Variants in LRP1B observed in about 807,000 individuals in gnomAD.
The protein encoded by LRP1B is LDL receptor related protein 1B.
In LRP1B, 217 loss-of-function variants were observed where a neutral mutation model predicts 556.6. That is an observed-to-expected ratio of 0.39 (90% CI 0.35 to 0.44). The LOEUF is 0.44. Ranked by LOEUF, LRP1B falls within the 20% of genes least tolerant of loss-of-function variation. The pLI, the probability that LRP1B is intolerant of heterozygous loss-of-function variation, is 1.00. For missense variants in LRP1B, 5,053 were observed against 5,620.8 expected (o/e 0.90, Z 3.23); for synonymous variants, 2,047 against 1,865.8 (o/e 1.10, Z -2.50).
rs1386575800 is a variant in LRP1B, at chr2:141,502,868, A to AT, written c.206-22336_206-22335insA. Among the ~76,000 whole-genome samples the AT allele has an allele frequency of 8.5e-5, 10 of 118,230 alleles. No homozygotes were observed. The East Asian group carries it at 2.1e-3, about 24-fold the overall frequency. 77.6% of individuals were successfully genotyped at this position (118,230 alleles called of 152,430 possible). A position where few individuals can be genotyped will look rare whatever the true frequency, so the allele number is the denominator to read the frequency against. On this transcript the variant is annotated intron_variant, in intron 2 of 90. Coordinates refer to ENST00000389484, the MANE Select transcript of LRP1B (RefSeq NM_018557.3). ...GGGAGACCCCGTCTCAAAAAATAAAAAATAAATAAAAATAAAAATTAAAAA... is the reference window on the plus strand; with the variant it reads ...GGGAGACCCCGTCTCAAAAAATAAAATAATAAATAAAAATAAAAATTAAAAA...
intron 89 of LRP1B, 62 bp downstream of exon 89, chr2:140,238,090 T>TA (rs1235683674): frequency 1.1e-4 from 153 of 1,448,896 alleles, no homozygotes; most frequent in Non-Finnish European, 1.4e-4. Flanking sequence ...TTCAGAACCA[T>TA]AAAACAGAGA....
At chr2:141,544,325 C>CTT (rs1553533146) in intron 2 of LRP1B, among the ~76,000 whole-genome samples, 41 of 55,634 alleles carry the variant, frequency 7.4e-4, no homozygotes, top group South Asian at 3.8e-3. Context: ...TCTTCTTCTT[C>CTT]TTCTTCTTCT....
chr2:141,866,908 A>G (rs1313260564), intron 1 of LRP1B, among the ~76,000 whole-genome samples: 7 of 151,904 alleles, frequency 4.6e-5, no homozygotes, highest in Non-Finnish European at 7.4e-5. Flanking sequence ...AATAAGGGGG[A>G]AAAAAAGGAA....
chr2:140,703,676 A>T (rs115804127), intron 37 of LRP1B, among the ~76,000 whole-genome samples: 2,544 of 152,218 alleles, frequency 0.017, 93 homozygotes, highest in Admixed American at 0.072. Context: ...AGTTCCCCCA[A>T]TCCCCAAGTA....
intron 82 of LRP1B, among the ~76,000 whole-genome samples, chr2:140,320,577 T>A (rs1318678624): frequency 6.6e-6 from 1 of 151,300 alleles, no homozygotes; most frequent in Non-Finnish European, 1.5e-5. Context: ...CCAGTGATTT[T>A]GGAGCGCTAC....
At chr2:141,290,098 C>T (rs1685882954) in intron 3 of LRP1B, among the ~76,000 whole-genome samples, 1 of 152,122 alleles carries the variant, frequency 6.6e-6, no homozygotes, top group Admixed American at 6.6e-5. Flanking sequence ...AGTCTTTGCT[C>T]ATGAACATTC....
At chr2:140,241,896 A>G (rs1464671882) in intron 87 of LRP1B, among the ~76,000 whole-genome samples, 1 of 151,002 alleles carries the variant, frequency 6.6e-6, no homozygotes, top group East Asian at 2.0e-4. Context: ...ATAGAGTATT[A>G]GAAACTGAAA....
At position 140,690,489 on chromosome 2, in the gene LRP1B, A is replaced by G. The variant is rs183882361; in HGVS notation, c.6799+9761T>C. ...AACCTTTCTTTTGTCAGTTTAATTCACAGATCTCAGCCACAGAAGCTAAGA... is the reference window on the plus strand; with the variant it reads ...AACCTTTCTTTTGTCAGTTTAATTCGCAGATCTCAGCCACAGAAGCTAAGA... On this transcript the variant is annotated intron_variant, in intron 41 of 90. Transcript: ENST00000389484. Among the ~76,000 whole-genome samples the G allele has an allele frequency of 8.0e-4, 122 of 152,236 alleles. 1 individual carries two copies. The highest frequency in any genetic ancestry group is 1.2e-3 in the Non-Finnish European group (81 of 68,016).
Position 140,231,707 on chromosome 2 carries a change from GTCT to G in LRP1B, c.*1476_*1478del, listed in dbSNP as rs1384158734. 2.6e-5 allele frequency: 4 copies of G among 151,634 alleles called. No individual in the cohort carries two copies. Among genetic ancestry groups the G allele is most frequent in the African/African-American group, 4.8e-5 (2 of 41,314 alleles). The allele number at this position is 151,634 out of a possible 1,614,324, so 9.4% of individuals were successfully genotyped here. The stretch of plus-strand genomic sequence containing the variant: ...ATGCATGCACATAGTACAACAAAAA[GTCT>G]TCTTATAAAACAGCAGTTTTTTTAA... On this transcript the variant is annotated 3_prime_UTR_variant, in exon 91 of 91. Transcript: ENST00000389484.
At chr2:140,971,526 T>C (rs1434558902) in intron 18 of LRP1B, among the ~76,000 whole-genome samples, 1 of 152,168 alleles carries the variant, frequency 6.6e-6, no homozygotes, top group Non-Finnish European at 1.5e-5. Context: ...CAGTTTACAT[T>C]CTCTGATCTT....
chr2:140,735,717 A>G (rs1687924697), intron 35 of LRP1B, among the ~76,000 whole-genome samples: 1 of 152,140 alleles, frequency 6.6e-6, no homozygotes. Flanking sequence ...TCTCACCTGC[A>G]AGGCAACAGG....
intron 3 of LRP1B, among the ~76,000 whole-genome samples, chr2:141,435,423 C>T (rs991519628): frequency 3.3e-5 from 5 of 152,070 alleles, no homozygotes; most frequent in African/African-American, 1.2e-4. Flanking sequence ...TTGGAGCTAC[C>T]AACTTCCTTT....
At chr2:140,239,563 A>G (rs1680859949) in intron 87 of LRP1B, 31 bp from the exon 88 acceptor site, 1 of 1,392,654 alleles carries the variant, frequency 7.2e-7, no homozygotes, top group South Asian at 1.2e-5. Context: ...TAGATGAAGA[A>G]ATAAATAAAA....
chr2:141,555,294 G>GT (rs1393662661), intron 2 of LRP1B, among the ~76,000 whole-genome samples: 1 of 151,972 alleles, frequency 6.6e-6, no homozygotes, highest in Admixed American at 6.6e-5. Flanking sequence ...CTCAGAAGGA[G>GT]TGGTGACATT....
chr2:140,716,228 TTA>T, intron 36 of LRP1B, 126 bp from the exon 37 acceptor site: 1 of 646,274 alleles, frequency 1.5e-6, no homozygotes, highest in South Asian at 2.9e-5. Context: ...TACATTCTTT[TTA>T]AATGTGTTTC....
chr2:140,594,610 T>G (rs982792544), intron 43 of LRP1B, among the ~76,000 whole-genome samples: 2 of 152,204 alleles, frequency 1.3e-5, no homozygotes, highest in African/African-American at 4.8e-5. Context: ...TATAGGTTAC[T>G]TCTTTCTCAT....
chr2:142,088,989 AAAAAAAAG>A, intron 1 of LRP1B, among the ~76,000 whole-genome samples: 1 of 37,844 alleles, frequency 2.6e-5, no homozygotes, highest in Admixed American at 4.4e-4. Context: ...AAAAAAAAAA[AAAAAAAAG>A]AAAAAGAAAA....
chr2:140,626,986 T>A (rs1263305561), intron 41 of LRP1B, among the ~76,000 whole-genome samples: 4 of 152,166 alleles, frequency 2.6e-5, no homozygotes, highest in African/African-American at 9.7e-5. Flanking sequence ...TCTCAAGGGC[T>A]CAATGAATAC....
chr2:141,064,467 G>A (rs563359283), intron 7 of LRP1B, among the ~76,000 whole-genome samples: 4 of 151,650 alleles, frequency 2.6e-5, no homozygotes, highest in South Asian at 2.1e-4. Flanking sequence ...ATCATAAAAC[G>A]GATTGAGATA....
Sources: allele counts gnomAD v4.1 joint callset (sites outside exome capture counted in the v4.1 genomes callset), GRCh38; gene constraint gnomAD v4.1.1; transcripts MANE v1.5; gene names NCBI Gene and HGNC (gene_info 2026-07-23, HGNC 2026-07-21).